The following AKAP6 variants were observed in gnomAD, a reference collection of about 807,000 sequenced individuals.
AKAP6 encodes A-kinase anchor protein 6.
In AKAP6, 58 loss-of-function variants were observed where a neutral mutation model predicts 188.5. The observed-to-expected ratio is 0.31, with a 90% CI of 0.25 to 0.38. The LOEUF is 0.38. Among genes scored for constraint, AKAP6 ranks in the 10% least tolerant of loss-of-function variants. The pLI is 1.00. For missense variants in AKAP6, 2,710 were observed against 2,740.0 expected (o/e 0.99, Z 0.24); for synonymous variants, 989 against 998.6 (o/e 0.99, Z 0.18).
intron 7 of AKAP6, among the ~76,000 whole-genome samples, chr14:32,627,082 T>C (rs1887055259): frequency 6.6e-6 from 1 of 152,160 alleles, no homozygotes; most frequent in Admixed American, 6.6e-5. Flanking sequence ...AGATTATATA[T>C]TTCCTCAGAG....
chr14:32,577,323 T>C (rs1594756443), intron 5 of AKAP6, 81 bp downstream of exon 5: 3 of 1,544,504 alleles, frequency 1.9e-6, no homozygotes, highest in East Asian at 2.3e-5. Context: ...GAAATATCAA[T>C]TTTATTTATC....
In AKAP6 at chr14:32,823,990, T is replaced by C. The variant is rs2034605998; in HGVS notation, c.6177T>C (p.Phe2059=). 1.2e-6 allele frequency: 2 copies of C among 1,613,936 alleles called. No individual in the cohort carries two copies. The highest frequency in any genetic ancestry group is 2.2e-5 in the East Asian group (1 of 44,880). The part of the protein sequence containing the change: ...KDAEDCSVHN[F]VKEIIDMAST... ...CCGAAGATTGTTCAGTACACAACTTTGTTAAGGAAATCATTGACATGGCTT... is the reference window on the plus strand; with the variant it reads ...CCGAAGATTGTTCAGTACACAACTTCGTTAAGGAAATCATTGACATGGCTT... The change falls in exon 13 of 14, where the codon TTT becomes TTC. Residue 2059 remains phenylalanine (F), a synonymous_variant. Transcript: ENST00000280979.
intron 1 of AKAP6, among the ~76,000 whole-genome samples, chr14:32,404,899 G>A (rs917661327): frequency 6.6e-6 from 1 of 150,382 alleles, no homozygotes; most frequent in Non-Finnish European, 1.5e-5. Context: ...CAAGACAGAT[G>A]GGCAAGCAAT....
chr14:32,454,709 T>C lies in AKAP6; in HGVS notation c.324+20892T>C, dbSNP rs186210906. Among the ~76,000 whole-genome samples the C allele has an allele frequency of 5.5e-3, 71 of 12,916 alleles. 3 individuals carry two copies. The highest frequency in any genetic ancestry group is 0.1 in the Middle Eastern group (1 of 10). 8.5% of individuals were successfully genotyped at this position (12,916 alleles called of 152,430 possible). The stretch of plus-strand genomic sequence containing the variant: ...CTTCCCTCCCTCCCTCCCTCCCTCC[T>C]TCCCTCCTTCTCTCCTTCCCTCCTT... On this transcript the variant is annotated intron_variant, in intron 2 of 13. Transcript: ENST00000280979.
intron 7 of AKAP6, among the ~76,000 whole-genome samples, chr14:32,670,244 G>C (rs1392941555): frequency 6.6e-6 from 1 of 152,056 alleles, no homozygotes; most frequent in South Asian, 2.1e-4. Context: ...CATCCCACTG[G>C]GTCCCTCCCA....
chr14:32,706,926 T>C (rs1566658308), intron 9 of AKAP6, among the ~76,000 whole-genome samples: 1 of 152,118 alleles, frequency 6.6e-6, no homozygotes. Flanking sequence ...GCTCTAGCCT[T>C]TCTCCAGAAG....
At chr14:32,685,087 C>A (rs540330283) in intron 8 of AKAP6, among the ~76,000 whole-genome samples, 7 of 91,816 alleles carry the variant, frequency 7.6e-5, no homozygotes, top group East Asian at 5.6e-4. Flanking sequence ...AAGACCCCCC[C>A]CTACCAAACC....
chr14:32,748,567 C>G (rs1239870937), intron 11 of AKAP6, among the ~76,000 whole-genome samples: 1 of 152,126 alleles, frequency 6.6e-6, no homozygotes, highest in Non-Finnish European at 1.5e-5. Flanking sequence ...GGGGTTTCAC[C>G]TACTTTGGTG....
chr14:32,576,805 A>G (rs1368013244), intron 4 of AKAP6, among the ~76,000 whole-genome samples: 1 of 152,094 alleles, frequency 6.6e-6, no homozygotes, highest in East Asian at 1.9e-4. Flanking sequence ...TGCTTGTCAG[A>G]CACCAGAAAT....
At chr14:32,375,185 G>T (rs1888121474) in intron 1 of AKAP6, among the ~76,000 whole-genome samples, 1 of 152,160 alleles carries the variant, frequency 6.6e-6, no homozygotes, top group African/African-American at 2.4e-5. Context: ...GGAGGCAAAG[G>T]CAGGGTTGAG....
intron 11 of AKAP6, among the ~76,000 whole-genome samples, chr14:32,745,111 T>C (rs2031840506): frequency 6.6e-6 from 1 of 152,218 alleles, no homozygotes; most frequent in African/African-American, 2.4e-5. Context: ...TTGTGCCTTA[T>C]TTAGTTCATT....
At chr14:32,420,660 T>A (rs1450904904) in intron 1 of AKAP6, among the ~76,000 whole-genome samples, 2 of 152,132 alleles carry the variant, frequency 1.3e-5, no homozygotes, top group African/African-American at 4.8e-5. Flanking sequence ...TTCATTTACA[T>A]CAGATTTTCT....
intron 3 of AKAP6, among the ~76,000 whole-genome samples, chr14:32,544,374 A>AC (rs1883093209): frequency 6.6e-6 from 1 of 152,244 alleles, no homozygotes; most frequent in Non-Finnish European, 1.5e-5. Flanking sequence ...TGAAATCAGA[A>AC]ACTGCATTAG....
chr14:32,824,576 A>G lies in AKAP6; in HGVS notation c.6763A>G (p.Ser2255Gly). Reference sequence around the variant, plus strand: ...TTCAAAGCTTGACAGTGAAAAGGAAAGTTCCGGAAAACCAGGTGAATCTGG... The same window carrying G: ...TTCAAAGCTTGACAGTGAAAAGGAAGGTTCCGGAAAACCAGGTGAATCTGG... The part of the protein sequence containing the change: ...TPSKLDSEKE[S>G]SGKPGESGMP... The change falls in exon 13 of 14, where the codon AGT (serine) becomes GGT (glycine). Residue 2255 changes from serine to glycine, a missense_variant. Physicochemically the swap from Ser to Gly is moderately conservative, Grantham distance 56 (BLOSUM62 0). Around this residue, in one of 2 missense-constraint regions of AKAP6, gnomAD observed 2,473 missense variants for 2,426.1 expected, o/e 1.02. Transcript: ENST00000280979. 6 of 1,613,962 alleles carry G rather than the reference A, an allele frequency of 3.7e-6. No individual in the cohort carries two copies. The highest frequency in any genetic ancestry group is 5.1e-6 in the Non-Finnish European group (6 of 1,179,942).
intron 2 of AKAP6, among the ~76,000 whole-genome samples, chr14:32,459,477 A>G (rs1440908371): frequency 1.3e-5 from 2 of 152,184 alleles, no homozygotes; most frequent in African/African-American, 4.8e-5. Flanking sequence ...CATAATAGAA[A>G]TCTCAAAGAA....
At chr14:32,521,345 A>C (rs563276372) in intron 2 of AKAP6, among the ~76,000 whole-genome samples, 1 of 151,980 alleles carries the variant, frequency 6.6e-6, no homozygotes, top group Non-Finnish European at 1.5e-5. Context: ...AGGGCAATCA[A>C]GCAGGAGAAA....
At chr14:32,395,044 A>G (rs576293437) in intron 1 of AKAP6, among the ~76,000 whole-genome samples, 2 of 151,130 alleles carry the variant, frequency 1.3e-5, no homozygotes, top group African/African-American at 4.9e-5. Context: ...TTAAGTAGTA[A>G]TATGGCGTTA....
chr14:32,629,185 A>G (rs890083025), intron 7 of AKAP6, among the ~76,000 whole-genome samples: 3 of 152,090 alleles, frequency 2.0e-5, no homozygotes, highest in African/African-American at 7.2e-5. Context: ...CTTTGTAATC[A>G]TAAACTTTAT....
At chr14:32,429,092 G>A (rs1890132701) in intron 1 of AKAP6, among the ~76,000 whole-genome samples, 1 of 152,172 alleles carries the variant, frequency 6.6e-6, no homozygotes, top group African/African-American at 2.4e-5. Flanking sequence ...CCAAAAAGCT[G>A]TCTGATCACT....
Sources: allele counts gnomAD v4.1 joint callset (sites outside exome capture counted in the v4.1 genomes callset), GRCh38; gene constraint gnomAD v4.1.1; regional missense constraint gnomAD v4.1.1; transcripts MANE v1.5; gene names NCBI Gene and HGNC (gene_info 2026-07-23, HGNC 2026-07-21).